ADGRE3: variants seen among roughly 807,000 people sequenced by gnomAD.
ADGRE3 encodes adhesion G protein-coupled receptor E3.
A neutral mutation model predicts 80.1 loss-of-function variants in ADGRE3; 88 were observed. The observed-to-expected ratio is 1.10, with a 90% CI of 0.93 to 1.31. The LOEUF (loss-of-function observed/expected upper bound fraction) is 1.31, where lower values mean the gene tolerates loss of function less well. Among genes scored for constraint, ADGRE3 ranks in the 40% most tolerant of loss-of-function variants. The probability of loss-of-function intolerance (pLI) is 0.00; values close to 1 mark genes in which losing one functional copy is unlikely to be tolerated. For missense variants in ADGRE3, 715 were observed against 776.5 expected, an observed-to-expected ratio of 0.92 and a Z score of 0.94; for synonymous variants, 281 against 294.8, an observed-to-expected ratio of 0.95 and a Z score of 0.48.
At chr19:14,666,687 T>C (rs1405106762) in intron 2 of ADGRE3, among the ~76,000 whole-genome samples, 1 of 152,090 alleles carries the variant, frequency 6.6e-6, no homozygotes, top group African/African-American at 2.4e-5. Context: ...TGTTGGCCAT[T>C]TGTATATAGA....
intron 15 of ADGRE3, among the ~76,000 whole-genome samples, chr19:14,620,548 T>TATAATATATATATTATATATATATATAA: frequency 1.2e-4 from 3 of 24,974 alleles, no homozygotes; most frequent in African/African-American, 6.4e-4. Flanking sequence ...TATATATATA[T>TATAATATATATATTATATATATATATAA]TATATATATA....
intron 11 of ADGRE3, among the ~76,000 whole-genome samples, chr19:14,637,878 A>G (rs1440789971): frequency 6.6e-6 from 1 of 151,792 alleles, no homozygotes; most frequent in African/African-American, 2.4e-5. Flanking sequence ...GTGGATTGGT[A>G]CGTTACTGTG....
chr19:14,602,279 G>GT, the ADGRE3 span, among the ~76,000 whole-genome samples: 1 of 151,562 alleles, frequency 6.6e-6, no homozygotes, highest in Admixed American at 6.6e-5. Flanking sequence ...TTTAATTGGT[G>GT]TTTTCATTTA....
rs1428897661 is a variant in ADGRE3 at position 14,662,046 on chromosome 19, CT to C, written c.271del (p.Ser91ValfsTer83). Reference sequence around the variant, plus strand: ...TCCTGGGACACATTGACAGTAGAAACTTCCTTCGACATTGTAACACACAGCG... The same window carrying C: ...TCCTGGGACACATTGACAGTAGAAACTCCTTCGACATTGTAACACACAGCG... ...FNAVCYNVEG[S>X]FYCQCVPGYR... On this transcript the variant is annotated frameshift_variant, in exon 4 of 16. Coordinates refer to ENST00000253673, the MANE Select transcript of ADGRE3 (RefSeq NM_032571.5). LOFTEE classifies it high-confidence loss of function. The C allele has an allele frequency of 6.2e-7, 1 of 1,614,126 alleles. No homozygotes were observed.
In ADGRE3 at chr19:14,644,249, G is replaced by A. The variant is rs759388329; in HGVS notation, c.909C>T (p.Phe303=). The A allele has an allele frequency of 1.9e-6, 3 of 1,573,980 alleles. No individual in the cohort carries two copies. The South Asian group carries it at 3.5e-5, about 18-fold the overall frequency. ...GCCCTGTGCTCTTCCAGTAGACACA[G>A]AAGACCTTTTTGGTACTGGGGGTCA... The part of the protein sequence containing the change: ...VKMTPSTKKV[F]CVYWKSTGQG... The change falls in exon 9 of 16, where the codon TTC becomes TTT. Residue 303 remains phenylalanine, a synonymous_variant. Coordinates refer to ENST00000253673, the MANE Select transcript of ADGRE3 (RefSeq NM_032571.5).
chr19:14,601,599 C>T, the ADGRE3 span, among the ~76,000 whole-genome samples: 22 of 152,112 alleles, frequency 1.4e-4, no homozygotes, highest in South Asian at 3.7e-3. Flanking sequence ...AGACATAGGA[C>T]TATAGTATGG....
At chr19:14,633,062 G>T in intron 12 of ADGRE3, 50 bp from the exon 13 acceptor site, 1 of 1,450,458 alleles carries the variant, frequency 6.9e-7, no homozygotes, top group Non-Finnish European at 9.7e-7. Context: ...GTAATGTATG[G>T]TGTCCACTTT....
rs565482400 is a variant in ADGRE3 at position 14,637,760 on chromosome 19, C to T, written c.1484+345G>A. Among the ~76,000 whole-genome samples the T allele has an allele frequency of 2.4e-4, 37 of 152,048 alleles. No homozygotes were observed. The South Asian group carries it at 7.1e-3, about 29-fold the overall frequency. The stretch of plus-strand genomic sequence containing the variant: ...CCCAGGCTGGTCTTGAACTCCTGGC[C>T]TCAAGTGATCCTCCCACGTTGGCCT... On this transcript the variant is annotated intron_variant, in intron 11 of 15. Coordinates refer to ENST00000253673, the MANE Select transcript of ADGRE3 (RefSeq NM_032571.5).
At chr19:14,668,996 A>G in intron 1 of ADGRE3, 144 bp from the exon 2 acceptor site, 1 of 729,654 alleles carries the variant, frequency 1.4e-6, no homozygotes, top group Non-Finnish European at 2.3e-6. Context: ...ATTTTTGTTG[A>G]GTATGGAGAT....
At chr19:14,655,865 A>G (rs1971741770) in intron 5 of ADGRE3, among the ~76,000 whole-genome samples, 1 of 152,042 alleles carries the variant, frequency 6.6e-6, no homozygotes, top group South Asian at 2.1e-4. Context: ...CTCCCTCCAC[A>G]GGGCACATGT....
chr19:14,646,172 G>C (rs570286779), intron 8 of ADGRE3, among the ~76,000 whole-genome samples: 1 of 152,164 alleles, frequency 6.6e-6, no homozygotes, highest in East Asian at 1.9e-4. Flanking sequence ...TGCCAGGCTG[G>C]AGTGCAGTGG....
At chr19:14,643,849 T>C (rs2146846709) in intron 9 of ADGRE3, among the ~76,000 whole-genome samples, 1 of 152,230 alleles carries the variant, frequency 6.6e-6, no homozygotes, top group East Asian at 1.9e-4. Flanking sequence ...TAGCTGGGAT[T>C]ACAGGCATGT....
At chr19:14,620,597 T>G (rs1263241389) in intron 15 of ADGRE3, among the ~76,000 whole-genome samples, 6 of 77,372 alleles carry the variant, frequency 7.8e-5, no homozygotes, top group Non-Finnish European at 1.5e-4. Flanking sequence ...TTTTTTTTTT[T>G]GAGACAGGGT....
chr19:14,664,317 A>G (rs1038950270), intron 2 of ADGRE3, among the ~76,000 whole-genome samples: 9 of 152,010 alleles, frequency 5.9e-5, no homozygotes, highest in Non-Finnish European at 1.3e-4. Flanking sequence ...CATGCCTGTA[A>G]TCCCAGCTAC....
At chr19:14,611,477 G>A in the ADGRE3 span, among the ~76,000 whole-genome samples, 1 of 147,474 alleles carries the variant, frequency 6.8e-6, no homozygotes, top group Non-Finnish European at 1.5e-5. Context: ...TCCTGGGCTC[G>A]AGTGATCCTC....
chr19:14,664,648 G>T (rs1305432543), intron 2 of ADGRE3, among the ~76,000 whole-genome samples: 1 of 152,152 alleles, frequency 6.6e-6, no homozygotes, highest in African/African-American at 2.4e-5. Flanking sequence ...GTTTGAGGCT[G>T]CAGTGAGTCG....
At chr19:14,647,801 C>T (rs547213997) in intron 7 of ADGRE3, among the ~76,000 whole-genome samples, 6 of 150,500 alleles carry the variant, frequency 4.0e-5, no homozygotes, top group South Asian at 2.2e-4. Context: ...GTGCTGGCAC[C>T]GGGCATGGTG....
intron 10 of ADGRE3, 105 bp from the exon 11 acceptor site, chr19:14,638,445 C>T (rs1568483090): frequency 2.7e-6 from 2 of 751,156 alleles, no homozygotes; most frequent in Admixed American, 2.6e-5. Flanking sequence ...GACATCAGAC[C>T]AAGGGCACTA....
At chr19:14,631,961 T>C (rs191123709) in intron 13 of ADGRE3, among the ~76,000 whole-genome samples, 32 of 152,312 alleles carry the variant, frequency 2.1e-4, no homozygotes, top group African/African-American at 7.2e-4. Flanking sequence ...AGTTGTCTTA[T>C]TTTTATGATT....
Sources: gnomAD v4.1 joint callset for allele counts (sites outside exome capture counted in the v4.1 genomes callset) on GRCh38, gnomAD v4.1.1 for gene constraint, MANE v1.5 for transcripts, NCBI Gene and HGNC (gene_info 2026-07-23, HGNC 2026-07-21) for gene names.